Variants in BSPRY observed in about 807,000 individuals in gnomAD.
BSPRY encodes B box and SPRY domain-containing protein.
BSPRY carries 33 observed loss-of-function variants against 38.0 expected under a neutral mutation model. That is an observed-to-expected ratio of 0.87 (90% CI 0.66 to 1.16). BSPRY has a LOEUF of 1.16. Among genes scored for constraint, BSPRY ranks in the 50% most tolerant of loss-of-function variants. The pLI is 0.00. For missense variants in BSPRY, 523 were observed against 533.2 expected, an observed-to-expected ratio of 0.98 and a Z score of 0.19; for synonymous variants, 224 against 228.5, an observed-to-expected ratio of 0.98 and a Z score of 0.18.
At chr9:113,357,861 G>A (rs918504116) in intron 2 of BSPRY, among the ~76,000 whole-genome samples, 6 of 130,552 alleles carry the variant, frequency 4.6e-5, no homozygotes, top group East Asian at 2.2e-4. Flanking sequence ...AGCATGACCC[G>A]GTACTGTGCC....
intron 3 of BSPRY, among the ~76,000 whole-genome samples, chr9:113,361,944 C>G (rs1192314015): frequency 1.3e-5 from 2 of 152,154 alleles, no homozygotes; most frequent in South Asian, 4.1e-4. Flanking sequence ...TATGACTGCT[C>G]GAAACTGTGC....
intron 2 of BSPRY, among the ~76,000 whole-genome samples, chr9:113,359,456 C>A (rs1421538457): frequency 1.3e-5 from 2 of 152,168 alleles, no homozygotes; most frequent in African/African-American, 2.4e-5. Context: ...GAATGATTGC[C>A]CTGTGCACTG....
chr9:113,356,986 T>C (rs570954725), intron 2 of BSPRY, among the ~76,000 whole-genome samples: 20 of 152,268 alleles, frequency 1.3e-4, no homozygotes, highest in African/African-American at 4.6e-4. Context: ...GTTGGAGATA[T>C]AAATTTGGGA....
In BSPRY at chr9:113,369,881, C is replaced by A; in HGVS notation, c.948C>A (p.Cys316Ter). The A allele has an allele frequency of 6.2e-7, 1 of 1,614,262 alleles. No individual in the cohort carries two copies. The highest frequency in any genetic ancestry group is 8.5e-7 in the Non-Finnish European group (1 of 1,180,036). Residue 316 changes from cysteine (C) to a stop codon, truncating the protein, a stop_gained, in exon 6 of 6, where the codon TGC (cysteine) becomes TGA (stop). Transcript: ENST00000374183. LOFTEE classifies it high-confidence loss of function. ...CCCGCAAGGGTTCTGGCAGTGACTG[C>A]CGTCTGGGCCACAATGCCTTCTCCT... is the stretch of plus-strand genomic sequence containing the variant. Reference protein sequence around the residue: ...HLPRKGSGSDCRLGHNAFSWV... With the variant: ...HLPRKGSGSD
chr9:113,358,087 A>C (rs1487501102), intron 2 of BSPRY, among the ~76,000 whole-genome samples: 1 of 149,980 alleles, frequency 6.7e-6, no homozygotes, highest in East Asian at 2.1e-4. Flanking sequence ...ATCTCTACAA[A>C]AAATTAAAAA....
Position 113,369,949 on chromosome 9 carries a change from A to G in BSPRY, c.1016A>G (p.Asn339Ser), listed in dbSNP as rs369690628. The change falls in exon 6 of 6, where the codon AAT becomes AGT. Residue 339 changes from asparagine (N) to serine (S), a missense_variant. Asn to Ser is a conservative substitution (Grantham distance 46). Transcript: ENST00000374183. ...GATCAGGAGTTTCGTTTCTCACACA[A>G]TGGGCAGCACGAGCCCCTGGGGCTG... ...RYDQEFRFSH[N>S]GQHEPLGLLR... 2.5e-5 allele frequency: 40 copies of G among 1,614,126 alleles called. No individual in the cohort carries two copies. Among genetic ancestry groups the G allele is most frequent in the East Asian group, 2.2e-4 (10 of 44,880 alleles).
chr9:113,366,563 G>C (rs1834255970), intron 4 of BSPRY, among the ~76,000 whole-genome samples: 1 of 152,170 alleles, frequency 6.6e-6, no homozygotes, highest in Admixed American at 6.5e-5. Context: ...ACCCCTTTGG[G>C]GCCATGAGTT....
At chr9:113,353,041 ACAGT>A (rs1178697423) in intron 1 of BSPRY, among the ~76,000 whole-genome samples, 6 of 152,224 alleles carry the variant, frequency 3.9e-5, no homozygotes, top group Non-Finnish European at 7.3e-5. Flanking sequence ...GAAGGTATGG[ACAGT>A]CAGGCAGCTG....
At chr9:113,351,508 A>G (rs569861214) in intron 1 of BSPRY, among the ~76,000 whole-genome samples, 1 of 152,228 alleles carries the variant, frequency 6.6e-6, no homozygotes, top group South Asian at 2.1e-4. Flanking sequence ...AGTCAACTCA[A>G]TTCTGTAACT....
At chr9:113,362,180 T>C (rs1027518266) in intron 3 of BSPRY, among the ~76,000 whole-genome samples, 189 bp from the exon 4 acceptor site, 8 of 110,922 alleles carry the variant, frequency 7.2e-5, no homozygotes, top group African/African-American at 2.7e-4. Context: ...TATGGGTGTG[T>C]GTGTGTGTGT....
chr9:113,368,572 C>T (rs1834290092), intron 5 of BSPRY, among the ~76,000 whole-genome samples, 189 bp downstream of exon 5: 1 of 152,220 alleles, frequency 6.6e-6, no homozygotes, highest in African/African-American at 2.4e-5. Flanking sequence ...CAAGTCCTTC[C>T]CATTTCCGGA....
chr9:113,361,330 G>A (rs991860375), intron 3 of BSPRY, among the ~76,000 whole-genome samples: 1 of 152,212 alleles, frequency 6.6e-6, no homozygotes, highest in East Asian at 1.9e-4. Flanking sequence ...CATGAGGCAA[G>A]GGAATAAAAC....
At chr9:113,350,897 G>A (rs1833960430) in intron 1 of BSPRY, among the ~76,000 whole-genome samples, 1 of 152,200 alleles carries the variant, frequency 6.6e-6, no homozygotes, top group South Asian at 2.1e-4. Context: ...TTAAATGTCT[G>A]TCATCTCATT....
At position 113,361,550 on chromosome 9, in the gene BSPRY, G is replaced by T. The variant is rs113287754; in HGVS notation, c.531+813G>T. ...TGGTAGAGGAACTCACCCATGCTAG[G>T]GACGGACAATCCAGGCTAGGGGAAA... On this transcript the variant is annotated intron_variant, in intron 3 of 5. Coordinates refer to ENST00000374183, the MANE Select transcript of BSPRY (RefSeq NM_017688.3). 4.4e-3 allele frequency among the ~76,000 whole-genome samples: 667 copies of T among 152,278 alleles called. 4 individuals carry two copies. The highest frequency in any genetic ancestry group is 0.015 in the African/African-American group (606 of 41,556).
At chr9:113,353,831 C>G (rs74978938) in intron 1 of BSPRY, among the ~76,000 whole-genome samples, 4,026 of 152,318 alleles carry the variant, frequency 0.026, 167 homozygotes, top group African/African-American at 0.087. Flanking sequence ...TGATTCTAAT[C>G]TTAAATGTTT....
chr9:113,365,402 T>G (rs946878965), intron 4 of BSPRY, among the ~76,000 whole-genome samples: 3 of 152,236 alleles, frequency 2.0e-5, no homozygotes, highest in African/African-American at 4.8e-5. Flanking sequence ...AATCTGTCAC[T>G]GTTATTACTA....
Position 113,370,286 on chromosome 9 carries a change from G to T in BSPRY, c.*144G>T, listed in dbSNP as rs1436032472. 9.8e-7 allele frequency: 1 copy of T among 1,018,382 alleles called. No individual in the cohort carries two copies. The highest frequency in any genetic ancestry group is 1.4e-6 in the Non-Finnish European group (1 of 726,624). 63.1% of individuals were successfully genotyped at this position (1,018,382 alleles called of 1,614,324 possible). A position where few individuals can be genotyped will look rare whatever the true frequency, so the allele number is the denominator to read the frequency against. ...AGTGGGCAGCTTTAGGAGGGATGGGGATCTGTTTCAGATCTAGGCATAACC... is the reference window on the plus strand; with the variant it reads ...AGTGGGCAGCTTTAGGAGGGATGGGTATCTGTTTCAGATCTAGGCATAACC... On this transcript the variant is annotated 3_prime_UTR_variant, in exon 6 of 6. Transcript: ENST00000374183. This position sits in a 1 kb window ranked among gnomAD's most constrained non-coding sequence, Gnocchi z 4.8.
At chr9:113,350,035 G>A (rs1833946779) in intron 1 of BSPRY, among the ~76,000 whole-genome samples, 1 of 152,218 alleles carries the variant, frequency 6.6e-6, no homozygotes, top group East Asian at 1.9e-4. Context: ...GTAGTTTGGG[G>A]ACAACAACAA....
chr9:113,351,792 A>T (rs4979235), intron 1 of BSPRY, among the ~76,000 whole-genome samples: 46,355 of 150,450 alleles, frequency 0.31, 7,405 homozygotes, highest in Non-Finnish European at 0.35. Context: ...CTTTTTTTTT[A>T]AAATTTATTT....
Sources: gnomAD v4.1 joint callset for allele counts (sites outside exome capture counted in the v4.1 genomes callset) on GRCh38, gnomAD v4.1.1 for gene constraint, Gnocchi (gnomAD v3.1) non-coding constraint, MANE v1.5 for transcripts, NCBI Gene and HGNC (gene_info 2026-07-23, HGNC 2026-07-21) for gene names.